Variants in NXF1 observed in about 807,000 individuals in gnomAD.
The protein encoded by NXF1 is nuclear RNA export factor 1.
A neutral mutation model predicts 92.4 loss-of-function variants in NXF1; 43 were observed. The ratio of observed to expected loss-of-function variants is 0.47; its 90% CI spans 0.36 to 0.60. The LOEUF (loss-of-function observed/expected upper bound fraction) is 0.60. Among genes scored for constraint, NXF1 ranks in the 20% least tolerant of loss-of-function variants. The pLI, the probability that NXF1 is intolerant of heterozygous loss-of-function variation, is 0.00. For synonymous variants in NXF1, 288 were observed against 292.2 expected, an observed-to-expected ratio of 0.99 and a Z score of 0.15; for missense variants, 576 against 793.0, an observed-to-expected ratio of 0.73 and a Z score of 3.29.
At chr11:62,800,090 T>C in intron 10 of NXF1, 1 of 1,255,890 alleles carries the variant, frequency 8.0e-7, no homozygotes, top group Non-Finnish European at 1.0e-6. Context: ...ATGCCTTTCC[T>C]GGAACAACAG....
chr11:62,805,209 C>CGTGCGCACACTTAAG, intron 1 of NXF1, 120 bp downstream of exon 1: 1 of 934,708 alleles, frequency 1.1e-6, no homozygotes. Flanking sequence ...GCCCCCCGCG[C>CGTGCGCACACTTAAG]GCCGCTCCCC....
At chr11:62,796,661 G>A in intron 13 of NXF1, 94 bp from the exon 14 acceptor site, 2 of 807,106 alleles carry the variant, frequency 2.5e-6, no homozygotes, top group South Asian at 1.5e-5. Flanking sequence ...GCCGGGCATG[G>A]AAGCTCATGC....
At chr11:62,799,704 C>A in intron 10 of NXF1, 1 of 986,228 alleles carries the variant, frequency 1.0e-6, no homozygotes, top group Non-Finnish European at 1.2e-6. Flanking sequence ...ACGCCCAGCA[C>A]CTGCCTTGGG....
chr11:62,799,647 G>C (rs2084457590), intron 10 of NXF1: 2 of 985,734 alleles, frequency 2.0e-6, no homozygotes, highest in Middle Eastern at 5.2e-4. Flanking sequence ...CGCCCCCGAG[G>C]GGGTCAGTTC....
chr11:62,794,292 T>A lies in NXF1; in HGVS notation c.1726A>T (p.Thr576Ser). Residue 576 changes from threonine (T) to serine (S), a missense_variant, in exon 19 of 21, where the codon ACC becomes TCC. Coordinates refer to ENST00000294172, the MANE Select transcript of NXF1 (RefSeq NM_006362.5). ...EQQEMLQAFSTQSGMNLEWSQ... is the reference protein window; with the variant it reads ...EQQEMLQAFSSQSGMNLEWSQ... ...CACTCGAGGTTCATGCCAGACTGGG[T>A]AGAGAATGCTTGCAACATTTCCTGC... 1.2e-6 allele frequency: 2 copies of A among 1,614,076 alleles called. No individual in the cohort carries two copies. Among genetic ancestry groups the A allele is most frequent in the Non-Finnish European group, 1.7e-6 (2 of 1,179,976 alleles).
rs761181910 is a variant in NXF1 at position 62,802,186 on chromosome 11, G to A, written c.444C>T (p.Thr148=). ...MIQSKCSVPF[T]PIEFHYENTR... ...TCAGGCCTTGTCTTACCTCAATAGG[G>A]GTGAAGGGCACACTGCACTTGCTCT... is the stretch of plus-strand genomic sequence containing the variant. Residue 148 remains threonine, a synonymous_variant, in exon 4 of 21, where the codon ACC becomes ACT. Coordinates refer to ENST00000294172, the MANE Select transcript of NXF1 (RefSeq NM_006362.5). 9.3e-6 allele frequency: 15 copies of A among 1,613,996 alleles called. No homozygotes were observed. In the East Asian group the frequency reaches 2.2e-4, roughly 24 times the overall value.
chr11:62,801,561 C>T lies in NXF1; in HGVS notation c.709+1G>A. The T allele has an allele frequency of 6.2e-7, 1 of 1,614,122 alleles. No homozygotes were observed. The highest frequency in any genetic ancestry group is 8.5e-7 in the Non-Finnish European group (1 of 1,179,984). ...CTGAGAACTACTGCTGTCAACCATA[C>T]CTGGGTCTGAACGGAGGCCTTTGAG... On this transcript the variant is annotated splice_donor_variant, in intron 7 of 20. Coordinates refer to ENST00000294172, the MANE Select transcript of NXF1 (RefSeq NM_006362.5). LOFTEE classifies it high-confidence loss of function.
chr11:62,803,670 A>G (rs939749542), intron 2 of NXF1, 98 bp from the exon 3 acceptor site: 1 of 1,551,212 alleles, frequency 6.4e-7, no homozygotes, highest in Non-Finnish European at 8.8e-7. Context: ...AGACTGTTTA[A>G]TCACTAAGCT....
chr11:62,797,941 A>G (rs2084437948), intron 11 of NXF1, among the ~76,000 whole-genome samples: 1 of 152,114 alleles, frequency 6.6e-6, no homozygotes, highest in South Asian at 2.1e-4. Flanking sequence ...CATCCTGGCC[A>G]ACAAGATGAA....
chr11:62,794,275 G>A lies in NXF1; in HGVS notation c.1743C>T (p.Asn581=), dbSNP rs781480219. 7 of 1,613,770 alleles carry A rather than the reference G, an allele frequency of 4.3e-6. No homozygotes were observed. Among genetic ancestry groups the A allele is most frequent in the South Asian group, 2.2e-5 (2 of 91,070 alleles). Residue 581 remains asparagine, a synonymous_variant, in exon 19 of 21, where the codon AAC becomes AAT. Coordinates refer to ENST00000294172, the MANE Select transcript of NXF1 (RefSeq NM_006362.5). ...GCACTCACTTCTGGGACCACTCGAG[G>A]TTCATGCCAGACTGGGTAGAGAATG... ...LQAFSTQSGM[N]LEWSQKCLQD...
chr11:62,794,651 C>T lies in NXF1; in HGVS notation c.1578-211G>A, dbSNP rs945301824. 6 of 587,764 alleles carry T rather than the reference C, an allele frequency of 1.0e-5. No individual in the cohort carries two copies. The African/African-American group carries it at 1.1e-4, about 11-fold the overall frequency. 36.4% of individuals were successfully genotyped at this position (587,764 alleles called of 1,614,324 possible). A position where few individuals can be genotyped will look rare whatever the true frequency, so the allele number is the denominator to read the frequency against. ...GGTTCTCCCAACGCATGGACTTTAG[C>T]TCTTTTAATTCATCCTCACAACAAA... On this transcript the variant is annotated intron_variant, in intron 18 of 20. Transcript: ENST00000294172.
chr11:62,804,851 T>C (rs1033157993), intron 1 of NXF1, among the ~76,000 whole-genome samples: 6 of 152,028 alleles, frequency 3.9e-5, no homozygotes, highest in Admixed American at 3.3e-4. Context: ...CACCACGCAC[T>C]CCTAACTTAC....
At chr11:62,792,737 T>C in intron 19 of NXF1, 36 bp from the exon 20 acceptor site, 3 of 1,609,400 alleles carry the variant, frequency 1.9e-6, no homozygotes, top group Non-Finnish European at 2.5e-6. Flanking sequence ...GTAAGAACTC[T>C]GACTCGTAAA....
chr11:62,803,540 C>A lies in NXF1; in HGVS notation c.248G>T (p.Gly83Val), dbSNP rs1341419252. 6.2e-7 allele frequency: 1 copy of A among 1,614,038 alleles called. No individual in the cohort carries two copies. The highest frequency in any genetic ancestry group is 8.5e-7 in the Non-Finnish European group (1 of 1,180,016). Residue 83 changes from glycine to valine, a missense_variant, in exon 3 of 21, where the codon GGT (glycine) becomes GTT (valine). Around this residue, in one of 2 missense-constraint regions of NXF1, gnomAD observed 151 missense variants for 157.8 expected, o/e 0.96. Transcript: ENST00000294172. ...GCGATCTCGATCATGCCAAGTATCA[C>A]CCCGACGGTTAGGTCGGGTGGTATA... ...NPYTTRPNRRGDTWHDRDRIH... is the reference protein window; with the variant it reads ...NPYTTRPNRRVDTWHDRDRIH...
chr11:62,801,732 G>A lies in NXF1; in HGVS notation c.639+7C>T. ...GGTTGGAAACATCTAATTTGAGCCT[G>A]CCTCACCTTTAGCTGTTCTACTTGT... On this transcript the variant is annotated splice_region_variant and intron_variant, in intron 6 of 20. Transcript: ENST00000294172. 1 of 1,612,904 alleles carries A rather than the reference G, an allele frequency of 6.2e-7. No individual in the cohort carries two copies. Among genetic ancestry groups the A allele is most frequent in the Non-Finnish European group, 8.5e-7 (1 of 1,178,864 alleles).
chr11:62,799,782 G>C (rs2084458791), intron 10 of NXF1: 31 of 985,840 alleles, frequency 3.1e-5, no homozygotes, highest in Non-Finnish European at 3.6e-5. Context: ...TCTTCTTCAG[G>C]GAGAGCCCAG....
intron 1 of NXF1, 144 bp from the exon 2 acceptor site, chr11:62,804,122 C>T: frequency 6.4e-7 from 1 of 1,557,700 alleles, no homozygotes. Flanking sequence ...CGCTCCCTAT[C>T]CACAGGAAAG....
rs1298318123 is a variant in NXF1 at position 62,801,338 on chromosome 11, G to A, written c.789C>T (p.Asn263=). ...MAATLRIIEE[N]IPELLSLNLS... is the part of the protein sequence containing the mutation. ...GGGCCAAAGGCCTTACCTCAGGGAT[G>A]TTCTCTTCAATGATCCTCAGGGTAG... The change falls in exon 8 of 21, where the codon AAC becomes AAT. Residue 263 remains asparagine, a synonymous_variant. Coordinates refer to ENST00000294172, the MANE Select transcript of NXF1 (RefSeq NM_006362.5). 2 of 1,613,942 alleles carry A rather than the reference G, an allele frequency of 1.2e-6. No homozygotes were observed. The highest frequency in any genetic ancestry group is 2.7e-5 in the African/African-American group (2 of 74,918).
rs374336402 is a variant in NXF1 at position 62,805,404 on chromosome 11, G to T, written c.-48C>A. On this transcript the variant is annotated 5_prime_UTR_variant, in exon 1 of 21. Coordinates refer to ENST00000294172, the MANE Select transcript of NXF1 (RefSeq NM_006362.5). Reference sequence around the variant, plus strand: ...GGCTCAGGCGCTGGCCGCTACGCCGGCAAACAACCTAACTCCCAAGCGCTC... The same window carrying T: ...GGCTCAGGCGCTGGCCGCTACGCCGTCAAACAACCTAACTCCCAAGCGCTC... The T allele has an allele frequency of 1.2e-6, 2 of 1,606,730 alleles. No homozygotes were observed. Among genetic ancestry groups the T allele is most frequent in the South Asian group, 2.2e-5 (2 of 89,498 alleles).
Sources: gnomAD v4.1 joint callset for allele counts (sites outside exome capture counted in the v4.1 genomes callset) on GRCh38, gnomAD v4.1.1 for gene constraint, gnomAD v4.1.1 regional missense constraint, MANE v1.5 for transcripts, NCBI Gene and HGNC (gene_info 2026-07-23, HGNC 2026-07-21) for gene names.